RAG1: variants seen among roughly 807,000 people sequenced by gnomAD.
RAG1 encodes the protein V(D)J recombination-activating protein 1.
A neutral mutation model predicts 62.7 loss-of-function variants in RAG1; 35 were observed. The observed-to-expected ratio is 0.56, with a 90% confidence interval of 0.43 to 0.74. The LOEUF (loss-of-function observed/expected upper bound fraction) is 0.74. RAG1 is among the 30% of genes least tolerant of loss of function. RAG1 has a pLI of 0.00. For missense variants in RAG1, 1,169 were observed against 1,278.6 expected, an observed-to-expected ratio of 0.91 and a Z score of 1.31; for synonymous variants, 461 against 470.3, an observed-to-expected ratio of 0.98 and a Z score of 0.26.
At chr11:36,520,561 G>T (rs1860063402) in intron 2 of RAG1, among the ~76,000 whole-genome samples, 1 of 152,226 alleles carries the variant, frequency 6.6e-6, no homozygotes, top group Non-Finnish European at 1.5e-5. Flanking sequence ...ACAGGCATGA[G>T]CCATGGCGCC....
chr11:36,565,229 T>C (rs905073187), upstream of RAG1, among the ~76,000 whole-genome samples: 6 of 152,188 alleles, frequency 3.9e-5, no homozygotes, highest in African/African-American at 1.4e-4. Flanking sequence ...GTTCACACAC[T>C]CAGACCATGG....
intron 3 of RAG1, among the ~76,000 whole-genome samples, chr11:36,559,374 G>A (rs753387000): frequency 1.2e-4 from 18 of 151,986 alleles, no homozygotes; most frequent in Non-Finnish European, 2.4e-4. Flanking sequence ...ATCTGTTTAC[G>A]GGCATTTGAG....
chr11:36,561,488 A>T (rs529310698), intron 3 of RAG1, among the ~76,000 whole-genome samples: 1 of 152,204 alleles, frequency 6.6e-6, no homozygotes, highest in South Asian at 2.1e-4. Context: ...TGGATCACAG[A>T]GTGCTGAGAT....
intron 2 of RAG1, among the ~76,000 whole-genome samples, chr11:36,532,614 TAAAC>T (rs1326726963): frequency 6.6e-6 from 1 of 152,174 alleles, no homozygotes; most frequent in Non-Finnish European, 1.5e-5. Context: ...ATTCCAGAAA[TAAAC>T]AATTTATAAA....
Position 36,574,800 on chromosome 11 carries a change from T to C in RAG1, c.1496T>C (p.Ile499Thr), listed in dbSNP as rs762167278. ...GTGAAAGCCATCACAGGGAGACAGATTTTTCAGCCTTTGCATGCCCTTCGG... is the reference window on the plus strand; with the variant it reads ...GTGAAAGCCATCACAGGGAGACAGACTTTTCAGCCTTTGCATGCCCTTCGG... ...RTVKAITGRQ[I>T]FQPLHALRNA... The change falls in exon 2 of 2, where the codon ATT becomes ACT. Residue 499 changes from isoleucine (I) to threonine (T), a missense_variant. By Grantham distance (89) the Ile-to-Thr change is moderately conservative (BLOSUM62 -1). Around this residue, in one of 2 missense-constraint regions of RAG1, gnomAD observed 800 missense variants for 943.3 expected, o/e 0.85. Coordinates refer to ENST00000299440, the MANE Select transcript of RAG1 (RefSeq NM_000448.3). 6.2e-7 allele frequency: 1 copy of C among 1,614,166 alleles called. No individual in the cohort carries two copies. The highest frequency in any genetic ancestry group is 1.1e-5 in the South Asian group (1 of 91,074).
chr11:36,541,283 C>G (rs1015728314), intron 3 of RAG1, among the ~76,000 whole-genome samples: 6 of 152,182 alleles, frequency 3.9e-5, no homozygotes, highest in African/African-American at 1.4e-4. Flanking sequence ...TGAAATGACT[C>G]GTTACACACA....
At chr11:36,517,424 T>C (rs1037347619) in intron 1 of RAG1, among the ~76,000 whole-genome samples, 8 of 152,210 alleles carry the variant, frequency 5.3e-5, no homozygotes, top group African/African-American at 9.7e-5. Flanking sequence ...ATATACAATT[T>C]TTTTAGAGCA....
chr11:36,543,395 C>T (rs1850341148), intron 3 of RAG1, among the ~76,000 whole-genome samples: 1 of 152,260 alleles, frequency 6.6e-6, no homozygotes, highest in African/African-American at 2.4e-5. Context: ...ACTGCCTCTG[C>T]TGCTGCCAGG....
In RAG1 at chr11:36,544,170, G is replaced by A. The variant is rs60389997; in HGVS notation, c.-412+8136G>A. 3.5e-3 allele frequency among the ~76,000 whole-genome samples: 528 copies of A among 152,248 alleles called. 25 individuals are homozygous for A. The East Asian group carries it at 0.088, about 25-fold the overall frequency. ...GGCTTAATCCCTGGGACCTATAAACGTGGCAGAGATGGCAGATGTGATCAA... is the reference window on the plus strand; with the variant it reads ...GGCTTAATCCCTGGGACCTATAAACATGGCAGAGATGGCAGATGTGATCAA... On this transcript the variant is annotated intron_variant and NMD_transcript_variant, in intron 3 of 9. Transcript: ENST00000534663.
chr11:36,576,665 G>C lies in RAG1; in HGVS notation c.*229G>C. On this transcript the variant is annotated 3_prime_UTR_variant, in exon 2 of 2. Transcript: ENST00000299440. ...AAGCAACAGGAAAAATCAGTTATCT[G>C]AAAGCTCAGTAACTCAGAACAGGAG... The C allele has an allele frequency of 1.7e-6, 1 of 573,814 alleles. No homozygotes were observed. Among genetic ancestry groups the C allele is most frequent in the Non-Finnish European group, 3.2e-6 (1 of 314,060 alleles). The allele number at this position is 573,814 out of a possible 1,614,324, so 35.5% of individuals were successfully genotyped here.
Position 36,575,468 on chromosome 11 carries a change from G to A in RAG1, c.2164G>A (p.Glu722Lys), listed in dbSNP as rs28933392. The A allele has an allele frequency of 5.0e-6, 8 of 1,614,118 alleles. No individual in the cohort carries two copies. The highest frequency in any genetic ancestry group is 2.2e-5 in the South Asian group (2 of 91,078). ...EKLVREVEGLEASGSVYICTL... is the reference protein window; with the variant it reads ...EKLVREVEGLKASGSVYICTL... Reference sequence around the variant, plus strand: ...ACTTGTGCGGGAAGTGGAAGGCCTCGAGGCTTCTGGCTCAGTCTACATTTG... The same window carrying A: ...ACTTGTGCGGGAAGTGGAAGGCCTCAAGGCTTCTGGCTCAGTCTACATTTG... The change falls in exon 2 of 2, where the codon GAG (glutamate) becomes AAG (lysine). Residue 722 changes from glutamate to lysine, a missense_variant. Transcript: ENST00000299440. The surrounding 1 kb of genome is among the most constrained non-coding windows in gnomAD (Gnocchi z 4.1).
At chr11:36,511,487 C>G (rs1859921706) in intron 1 of RAG1, among the ~76,000 whole-genome samples, 1 of 152,106 alleles carries the variant, frequency 6.6e-6, no homozygotes, top group South Asian at 2.1e-4. Flanking sequence ...AAACCCAAAA[C>G]TAGGACATAG....
At position 36,513,190 on chromosome 11, in the gene RAG1, A is replaced by G. The variant is rs142067736; in HGVS notation, n.330+2152A>G. ...CACAGCAAGAAGGCTCTTGCAAGAT[A>G]CCAGCCCCTTGAGTTTGGACTTCCC... On this transcript the variant is annotated intron_variant and non_coding_transcript_variant, in intron 1 of 2. Coordinates refer to the RAG1 transcript ENST00000529126. Among the ~76,000 whole-genome samples, 58 of 152,322 alleles carry G rather than the reference A, an allele frequency of 3.8e-4. 1 individual carries two copies. The East Asian group carries it at 0.01, about 27-fold the overall frequency.
intron 1 of RAG1, among the ~76,000 whole-genome samples, chr11:36,517,002 T>C (rs1189284437): frequency 6.6e-6 from 1 of 152,212 alleles, no homozygotes; most frequent in Non-Finnish European, 1.5e-5. Flanking sequence ...TTGTGTATAT[T>C]GCTGATGGTT....
intron 3 of RAG1, among the ~76,000 whole-genome samples, chr11:36,547,580 A>G (rs1474098185): frequency 6.6e-6 from 1 of 152,250 alleles, no homozygotes; most frequent in Non-Finnish European, 1.5e-5. Flanking sequence ...ACCAGGAAGA[A>G]GCCAAATCCC....
upstream of RAG1, chr11:36,563,394 T>C (rs7107464): frequency 0.18 from 27,526 of 152,114 alleles, 3,982 homozygotes; most frequent in African/African-American, 0.4. Flanking sequence ...GACATCCGTG[T>C]TCCTGGATCT....
chr11:36,566,507 T>A (rs1466583073), upstream of RAG1: 2 of 152,182 alleles, frequency 1.3e-5, no homozygotes, highest in African/African-American at 4.8e-5. Flanking sequence ...AGATGCAAGA[T>A]TTTAAGGAGC....
chr11:36,551,084 A>G (rs1374010847), intron 3 of RAG1, among the ~76,000 whole-genome samples: 10 of 152,270 alleles, frequency 6.6e-5, no homozygotes, highest in Non-Finnish European at 2.9e-5. Context: ...AGAATATCAA[A>G]TTGTAGTCAG....
rs776352689 is a variant in RAG1 at position 36,576,293 on chromosome 11, TAC to T, written c.2992_2993del (p.Thr998LeufsTer12). Reference protein sequence around the residue: ...MEDVLKHHWLYTSKYLQKFMN... With the variant: ...MEDVLKHHWLXTSKYLQKFMN... The stretch of plus-strand genomic sequence containing the variant: ...AGATGTCCTGAAACACCACTGGTTG[TAC>T]ACCTCCAAATACCTCCAGAAGTTTA... On this transcript the variant is annotated frameshift_variant, in exon 2 of 2. Transcript: ENST00000299440. LOFTEE classifies it high-confidence loss of function. 9 of 1,614,068 alleles carry T rather than the reference TAC, an allele frequency of 5.6e-6. No individual in the cohort carries two copies. Among genetic ancestry groups the T allele is most frequent in the Non-Finnish European group, 8.5e-7 (1 of 1,180,018 alleles).
Sources: allele counts gnomAD v4.1 joint callset (sites outside exome capture counted in the v4.1 genomes callset), GRCh38; gene constraint gnomAD v4.1.1; regional missense constraint gnomAD v4.1.1; non-coding constraint Gnocchi (gnomAD v3.1); transcripts MANE v1.5; gene names NCBI Gene and HGNC (gene_info 2026-07-23, HGNC 2026-07-21).